PRELID2: variants seen among roughly 807,000 people sequenced by gnomAD.
PRELID2 encodes the protein PRELI domain-containing protein 2.
In PRELID2, 25 loss-of-function variants were observed where a neutral mutation model predicts 28.4. The ratio of observed to expected loss-of-function variants is 0.88; its 90% CI spans 0.64 to 1.23. The LOEUF (loss-of-function observed/expected upper bound fraction) is 1.23, where lower values mean the gene tolerates loss of function less well. PRELID2 is among the 50% of genes most tolerant of loss of function. The pLI, the probability that PRELID2 is intolerant of heterozygous loss-of-function variation, is 0.00. For synonymous variants in PRELID2, 76 were observed against 71.6 expected (o/e 1.06, Z -0.31); for missense variants, 201 against 214.4 (o/e 0.94, Z 0.39).
chr5:145,612,146 G>A (rs966281051), intron 1 of PRELID2, among the ~76,000 whole-genome samples: 1 of 151,980 alleles, frequency 6.6e-6, no homozygotes, highest in Admixed American at 6.6e-5. Context: ...GATTCCAGGT[G>A]AATTATAAAC....
At chr5:145,576,204 C>T (rs1753058988) in intron 1 of PRELID2, among the ~76,000 whole-genome samples, 1 of 152,136 alleles carries the variant, frequency 6.6e-6, no homozygotes, top group East Asian at 1.9e-4. Flanking sequence ...TTGCAATCAT[C>T]ACTATGTTAA....
chr5:145,727,112 G>T (rs1420868905), intron 1 of PRELID2, among the ~76,000 whole-genome samples: 2 of 152,196 alleles, frequency 1.3e-5, no homozygotes, highest in Non-Finnish European at 2.9e-5. Context: ...GAGAATGTGG[G>T]GTTGAAAGGG....
intron 1 of PRELID2, among the ~76,000 whole-genome samples, chr5:145,489,793 G>A (rs776970214): frequency 6.6e-5 from 10 of 152,138 alleles, no homozygotes; most frequent in Non-Finnish European, 1.3e-4. Context: ...AGAATTAACT[G>A]ATCTCTTTTA....
chr5:145,620,973 A>G (rs1561522492), intron 1 of PRELID2, among the ~76,000 whole-genome samples: 1 of 152,208 alleles, frequency 6.6e-6, no homozygotes, highest in East Asian at 1.9e-4. Flanking sequence ...GTGAGAAAAT[A>G]ATTGTCAGCC....
the PRELID2 span, among the ~76,000 whole-genome samples, chr5:145,306,251 G>A: frequency 5.3e-5 from 8 of 152,164 alleles, no homozygotes; most frequent in Middle Eastern, 3.4e-3. Flanking sequence ...TATGTCAGTC[G>A]GAATATAACT....
At chr5:145,792,862 T>C (rs917814328) in intron 5 of PRELID2, among the ~76,000 whole-genome samples, 1 of 152,228 alleles carries the variant, frequency 6.6e-6, no homozygotes, top group Non-Finnish European at 1.5e-5. Context: ...TTATCAAACT[T>C]AGTTTTCACA....
chr5:145,284,887 G>T, the PRELID2 span, among the ~76,000 whole-genome samples: 1 of 151,922 alleles, frequency 6.6e-6, no homozygotes, highest in African/African-American at 2.4e-5. Flanking sequence ...ATTTAATTCA[G>T]GAGGGAAAGA....
At chr5:145,654,967 T>G (rs1746069203) in intron 1 of PRELID2, among the ~76,000 whole-genome samples, 1 of 152,076 alleles carries the variant, frequency 6.6e-6, no homozygotes, top group South Asian at 2.1e-4. Context: ...TTGTCCCTGT[T>G]TGCAGATGAC....
At chr5:145,446,014 C>T in the PRELID2 span, among the ~76,000 whole-genome samples, 2,130 of 151,770 alleles carry the variant, frequency 0.014, 36 homozygotes, top group African/African-American at 0.043. Context: ...ATTTGTTAAA[C>T]GATACAAAAT....
the PRELID2 span, among the ~76,000 whole-genome samples, chr5:145,299,839 T>C: frequency 6.6e-6 from 1 of 152,068 alleles, no homozygotes; most frequent in Non-Finnish European, 1.5e-5. Flanking sequence ...AATCCTTCTA[T>C]AAAGAGAAAG....
At chr5:145,581,926 C>T (rs569487368) in intron 1 of PRELID2, among the ~76,000 whole-genome samples, 1 of 152,036 alleles carries the variant, frequency 6.6e-6, no homozygotes, top group South Asian at 2.1e-4. Context: ...TTTTTTGTTC[C>T]AAATCAACTG....
the PRELID2 span, among the ~76,000 whole-genome samples, chr5:145,399,085 C>A: frequency 6.6e-6 from 1 of 152,162 alleles, no homozygotes; most frequent in Non-Finnish European, 1.5e-5. Context: ...CAACACCAGA[C>A]TGTACCCAGA....
intron 1 of PRELID2, among the ~76,000 whole-genome samples, chr5:145,667,790 C>G (rs79252328): frequency 0.02 from 3,066 of 152,114 alleles, 110 homozygotes; most frequent in African/African-American, 0.07. Context: ...CCACTAGCAC[C>G]ATACCTTGCA....
intron 1 of PRELID2, among the ~76,000 whole-genome samples, chr5:145,664,584 C>T (rs760720099): frequency 5.3e-5 from 8 of 152,078 alleles, no homozygotes; most frequent in Admixed American, 2.6e-4. Flanking sequence ...CTAAAGCTCC[C>T]GCTTTTTTAA....
intron 1 of PRELID2, among the ~76,000 whole-genome samples, chr5:145,621,737 T>C (rs1388194831): frequency 1.3e-5 from 2 of 152,186 alleles, no homozygotes. Context: ...GATAGAGAAT[T>C]ATAGCTAGAT....
intron 1 of PRELID2, among the ~76,000 whole-genome samples, chr5:145,623,349 G>A (rs1364717227): frequency 6.6e-6 from 1 of 151,910 alleles, no homozygotes; most frequent in Non-Finnish European, 1.5e-5. Flanking sequence ...TCGGGAGGCT[G>A]AGACAAGAGA....
Position 145,779,748 on chromosome 5 carries a change from T to C in PRELID2, c.475-14748A>G, listed in dbSNP as rs1017320556. On this transcript the variant is annotated intron_variant, in intron 5 of 6. Coordinates refer to ENST00000683046, the MANE Select transcript of PRELID2 (RefSeq NM_205846.3). ...TTCACTCTCATACTCATAAGATATA[T>C]AGTATTATTCATATTTCACCCAGAG... is the stretch of plus-strand genomic sequence containing the variant. Among the ~76,000 whole-genome samples the C allele has an allele frequency of 2.6e-5, 4 of 152,246 alleles. No homozygotes were observed. In the Middle Eastern group the frequency reaches 0.01, roughly 388 times the overall value.
chr5:145,664,341 T>C lies in PRELID2; in HGVS notation n.70+100590A>G, dbSNP rs114080417. Among the ~76,000 whole-genome samples, 880 of 152,222 alleles carry C rather than the reference T, an allele frequency of 5.8e-3. 15 individuals carry two copies. Among genetic ancestry groups the C allele is most frequent in the African/African-American group, 0.02 (824 of 41,524 alleles). On this transcript the variant is annotated intron_variant and non_coding_transcript_variant, in intron 1 of 2. Transcript: ENST00000510259. ...AATAATTGTGCTTTCTCCTTTCCAT[T>C]TGAGCAAGCAAGAACAAGACTATAC...
chr5:145,553,185 C>G (rs1015459433), intron 1 of PRELID2, among the ~76,000 whole-genome samples: 3 of 138,270 alleles, frequency 2.2e-5, no homozygotes, highest in Admixed American at 7.0e-5. Context: ...CTAGAGGACC[C>G]CCCCCCCCAA....
Sources: allele counts gnomAD v4.1 joint callset (sites outside exome capture counted in the v4.1 genomes callset), GRCh38; gene constraint gnomAD v4.1.1; transcripts MANE v1.5; gene names NCBI Gene and HGNC (gene_info 2026-07-23, HGNC 2026-07-21).